Variants in NEDD9 observed in about 807,000 individuals in gnomAD.
NEDD9 encodes enhancer of filamentation 1.
Under a neutral mutation model 76.6 loss-of-function variants are expected in NEDD9, and 26 were observed. The observed-to-expected ratio is 0.34, with a 90% CI of 0.25 to 0.47. NEDD9 has a LOEUF of 0.47. Ranked by LOEUF, NEDD9 falls within the 20% of genes least tolerant of loss-of-function variation. The pLI is 1.00. For missense variants in NEDD9, 937 were observed against 1,058.5 expected (o/e 0.89, Z 1.59); for synonymous variants, 392 against 414.2 (o/e 0.95, Z 0.65).
At chr6:11,244,986 C>T (rs1759780455) in intron 3 of NEDD9, among the ~76,000 whole-genome samples, 1 of 152,226 alleles carries the variant, frequency 6.6e-6, no homozygotes, top group Non-Finnish European at 1.5e-5. Context: ...AGTGTGCTGA[C>T]TAACCCTCTA....
chr6:11,312,692 TTA>T (rs111434917), intron 2 of NEDD9, among the ~76,000 whole-genome samples: 12,584 of 65,842 alleles, frequency 0.19, 656 homozygotes, highest in East Asian at 0.34. Flanking sequence ...ATTATATATA[TTA>T]TATATATATA....
At position 11,282,492 on chromosome 6, in the gene NEDD9, C is replaced by A. The variant is rs369765083; in HGVS notation, c.12+23500G>T. Among the ~76,000 whole-genome samples the A allele has an allele frequency of 2.8e-4, 42 of 152,330 alleles. No individual in the cohort carries two copies. The South Asian group carries it at 8.3e-3, about 30-fold the overall frequency. On this transcript the variant is annotated intron_variant, in intron 3 of 3. Coordinates refer to the NEDD9 transcript ENST00000397378. ...CCAGCTGTGTGTATACAACTGCCTG[C>A]TCAACATGAACCCTGGATATCTCAT...
chr6:11,300,665 T>C (rs1483755144), intron 3 of NEDD9, among the ~76,000 whole-genome samples: 2 of 152,056 alleles, frequency 1.3e-5, no homozygotes, highest in African/African-American at 4.8e-5. Context: ...AGCGGATCTG[T>C]TGGCAGAAAC....
At chr6:11,269,765 A>G (rs986833276) in intron 3 of NEDD9, among the ~76,000 whole-genome samples, 5 of 152,218 alleles carry the variant, frequency 3.3e-5, no homozygotes, top group Non-Finnish European at 1.5e-5. Flanking sequence ...TGTTCTGCAG[A>G]ATAATCTCTT....
intron 3 of NEDD9, chr6:11,249,201 A>C (rs1226211661): frequency 2.2e-6 from 1 of 455,962 alleles, no homozygotes. Flanking sequence ...GGCCTCATCC[A>C]ATCAGTTGAA....
chr6:11,293,351 A>C (rs1165872268), intron 3 of NEDD9, among the ~76,000 whole-genome samples: 1 of 152,214 alleles, frequency 6.6e-6, no homozygotes, highest in East Asian at 1.9e-4. Flanking sequence ...GCCACAGTGC[A>C]CTTTTCCACT....
At chr6:11,294,329 T>G (rs1760844391) in intron 3 of NEDD9, among the ~76,000 whole-genome samples, 1 of 152,200 alleles carries the variant, frequency 6.6e-6, no homozygotes, top group Admixed American at 6.5e-5. Context: ...TGAATTGTGA[T>G]CTTCAGTGTT....
rs77512053 is a variant in NEDD9, at chr6:11,368,860, C to T, written c.-214+13279G>A. ...AAACTCATTCCCTCTCCTCCTCTTC[C>T]TCCCACTAGCTAATATGTATTGAGC... On this transcript the variant is annotated intron_variant, in intron 1 of 3. Transcript: ENST00000397378. Among the ~76,000 whole-genome samples the T allele has an allele frequency of 3.8e-3, 580 of 152,278 alleles. 4 individuals are homozygous for T. The East Asian group carries it at 0.04, about 10-fold the overall frequency.
chr6:11,203,034 C>G (rs912907218), intron 2 of NEDD9, among the ~76,000 whole-genome samples: 1 of 152,196 alleles, frequency 6.6e-6, no homozygotes, highest in Non-Finnish European at 1.5e-5. Flanking sequence ...GCATGTCCCC[C>G]CTGCTGCTTT....
At chr6:11,283,759 T>A (rs1438735942) in intron 3 of NEDD9, among the ~76,000 whole-genome samples, 3 of 152,224 alleles carry the variant, frequency 2.0e-5, no homozygotes, top group Admixed American at 6.5e-5. Flanking sequence ...ATAATTCGTA[T>A]TTTTATAGGG....
chr6:11,190,489 C>T lies in NEDD9; in HGVS notation c.1380G>A (p.Lys460=). 6 of 1,614,190 alleles carry T rather than the reference C, an allele frequency of 3.7e-6. No homozygotes were observed. The highest frequency in any genetic ancestry group is 1.3e-5 in the African/African-American group (1 of 75,040). ...TAVDKVELFL[K]EYLHFVKGAV... ...CTCCCTTGACAAAGTGGAGGTACTC[C>T]TTCAGGAACAGCTCCACCTTGTCCA... is the stretch of plus-strand genomic sequence containing the variant. Residue 460 remains lysine, a synonymous_variant, in exon 5 of 7, where the codon AAG becomes AAA. Coordinates refer to ENST00000379446, the MANE Select transcript of NEDD9 (RefSeq NM_006403.4). The surrounding 1 kb of genome is among the most constrained non-coding windows in gnomAD (Gnocchi z 5.8).
chr6:11,316,722 G>A (rs1011051621), intron 2 of NEDD9, among the ~76,000 whole-genome samples: 2 of 152,220 alleles, frequency 1.3e-5, no homozygotes, highest in Non-Finnish European at 2.9e-5. Context: ...GAATTATAAG[G>A]AAGGTTCGGA....
upstream of NEDD9, among the ~76,000 whole-genome samples, chr6:11,236,807 C>T (rs943647018): frequency 2.0e-5 from 3 of 152,274 alleles, no homozygotes; most frequent in African/African-American, 7.2e-5. The surrounding 1 kb of genome is among the most constrained non-coding windows in gnomAD (Gnocchi z 5.5). Flanking sequence ...CACATTACTA[C>T]CGTGTTTAAA....
At chr6:11,217,980 C>CG (rs1377286440) in intron 1 of NEDD9, among the ~76,000 whole-genome samples, 1 of 152,234 alleles carries the variant, frequency 6.6e-6, no homozygotes, top group Non-Finnish European at 1.5e-5. Context: ...GAGACTAAAT[C>CG]TTTTTCCCAT....
At chr6:11,379,961 G>A (rs1043611588) in intron 1 of NEDD9, among the ~76,000 whole-genome samples, 4 of 152,214 alleles carry the variant, frequency 2.6e-5, no homozygotes, top group African/African-American at 7.2e-5. Context: ...TGACAGATAA[G>A]CAGGACAAAG....
intron 1 of NEDD9, among the ~76,000 whole-genome samples, chr6:11,377,344 A>G (rs116508019): frequency 0.012 from 1,894 of 152,374 alleles, 40 homozygotes; most frequent in African/African-American, 0.043. Flanking sequence ...AACCCATGAG[A>G]GCAGCCATGT....
At chr6:11,366,693 G>A (rs1212274518) in intron 1 of NEDD9, among the ~76,000 whole-genome samples, 1 of 152,180 alleles carries the variant, frequency 6.6e-6, no homozygotes, top group Middle Eastern at 3.2e-3. Flanking sequence ...CTGAAAGGAT[G>A]CACAGCAAGG....
At chr6:11,201,815 T>C (rs141588995) in intron 2 of NEDD9, among the ~76,000 whole-genome samples, 19 of 148,036 alleles carry the variant, frequency 1.3e-4, no homozygotes, top group African/African-American at 4.8e-4. Context: ...CTAGATTCTA[T>C]GTCCCGTGAT....
intron 4 of NEDD9, among the ~76,000 whole-genome samples, chr6:11,191,521 T>C (rs1758144337): frequency 6.6e-6 from 1 of 152,034 alleles, no homozygotes; most frequent in African/African-American, 2.4e-5. Flanking sequence ...AGAGGCAGAG[T>C]AAGACCAGAG....
Sources: gnomAD v4.1 joint callset for allele counts (sites outside exome capture counted in the v4.1 genomes callset) on GRCh38, gnomAD v4.1.1 for gene constraint, Gnocchi (gnomAD v3.1) non-coding constraint, MANE v1.5 for transcripts, NCBI Gene and HGNC (gene_info 2026-07-23, HGNC 2026-07-21) for gene names.